LRP1B: variants seen among roughly 807,000 people sequenced by gnomAD.
LRP1B encodes LDL receptor related protein 1B, also known as low-density lipoprotein receptor-related protein 1B.
LRP1B carries 217 observed loss-of-function variants against 556.6 expected under a neutral mutation model. The observed-to-expected ratio is 0.39, with a 90% CI of 0.35 to 0.44. LRP1B has a LOEUF of 0.44. Among genes scored for constraint, LRP1B ranks in the 20% least tolerant of loss-of-function variants. The probability of loss-of-function intolerance (pLI) is 1.00; values close to 1 mark genes in which losing one functional copy is unlikely to be tolerated. For missense variants in LRP1B, 5,053 were observed against 5,620.8 expected (o/e 0.90, Z 3.23); for synonymous variants, 2,047 against 1,865.8 (o/e 1.10, Z -2.50).
At chr2:141,221,288 TAAAAAA>T (rs3063857) in intron 6 of LRP1B, among the ~76,000 whole-genome samples, 12 of 131,180 alleles carry the variant, frequency 9.1e-5, no homozygotes, top group African/African-American at 1.8e-4. Flanking sequence ...CCAACAAAGA[TAAAAAA>T]AAAAAAAAAA....
chr2:141,698,649 TC>T (rs1691824193), intron 2 of LRP1B, among the ~76,000 whole-genome samples: 1 of 151,816 alleles, frequency 6.6e-6, no homozygotes, highest in Non-Finnish European at 1.5e-5. Flanking sequence ...CTTGAATTTC[TC>T]TGATTATCTG....
intron 55 of LRP1B, among the ~76,000 whole-genome samples, chr2:140,498,725 G>A (rs1689053140): frequency 6.6e-6 from 1 of 151,656 alleles, no homozygotes; most frequent in East Asian, 1.9e-4. Flanking sequence ...TGTACATAAA[G>A]CTTTTTACTC....
At chr2:140,265,392 C>T (rs1007209756) in intron 86 of LRP1B, among the ~76,000 whole-genome samples, 26 of 152,138 alleles carry the variant, frequency 1.7e-4, no homozygotes, top group East Asian at 1.2e-3. Context: ...TTTTCCTAGG[C>T]TTCTGTTGGC....
At chr2:141,349,104 C>G (rs1398610716) in intron 3 of LRP1B, among the ~76,000 whole-genome samples, 1 of 152,024 alleles carries the variant, frequency 6.6e-6, no homozygotes, top group Non-Finnish European at 1.5e-5. Flanking sequence ...ACTAATACAT[C>G]TATTGTAAGT....
intron 35 of LRP1B, among the ~76,000 whole-genome samples, chr2:140,761,458 A>G (rs983260219): frequency 6.6e-6 from 1 of 152,212 alleles, no homozygotes; most frequent in African/African-American, 2.4e-5. Context: ...TCTAATAAAT[A>G]GAATATACCA....
At chr2:140,549,861 G>T (rs1278127463) in intron 43 of LRP1B, among the ~76,000 whole-genome samples, 5 of 148,178 alleles carry the variant, frequency 3.4e-5, no homozygotes, top group Non-Finnish European at 6.0e-5. Flanking sequence ...AGTTGTTGTT[G>T]TTTTTTTTTT....
intron 63 of LRP1B, among the ~76,000 whole-genome samples, chr2:140,446,760 G>T (rs183742197): frequency 6.6e-6 from 1 of 152,106 alleles, no homozygotes; most frequent in East Asian, 1.9e-4. Context: ...CATGACATTA[G>T]TGTGGGTAAA....
At position 141,402,419 on chromosome 2, in the gene LRP1B, G is replaced by T. The variant is rs185207906; in HGVS notation, c.343+77977C>A. On this transcript the variant is annotated intron_variant, in intron 3 of 90. Transcript: ENST00000389484. ...ATTTGGACCAAAATATTTCTCAAGA[G>T]TGGAAATAATTAAATATAACATGGA... is the stretch of plus-strand genomic sequence containing the variant. Among the ~76,000 whole-genome samples, 6 of 151,996 alleles carry T rather than the reference G, an allele frequency of 3.9e-5. No homozygotes were observed. In the South Asian group the frequency reaches 1.0e-3, roughly 26 times the overall value.
At chr2:140,966,880 T>G (rs182166585) in intron 18 of LRP1B, among the ~76,000 whole-genome samples, 25 of 152,206 alleles carry the variant, frequency 1.6e-4, no homozygotes, top group Middle Eastern at 3.4e-3. Context: ...TCTGAGGGCT[T>G]TGTTCTGTTC....
chr2:140,833,907 T>C (rs1321088583), intron 31 of LRP1B, among the ~76,000 whole-genome samples: 1 of 152,210 alleles, frequency 6.6e-6, no homozygotes. Context: ...GCACAGTTTA[T>C]TGTCTACACT....
intron 18 of LRP1B, among the ~76,000 whole-genome samples, chr2:140,977,419 A>C (rs550862586): frequency 6.6e-6 from 1 of 152,294 alleles, no homozygotes; most frequent in African/African-American, 2.4e-5. Context: ...GCAGCGTGAA[A>C]ATGGACTAAT....
At chr2:140,746,765 T>C (rs910310249) in intron 35 of LRP1B, among the ~76,000 whole-genome samples, 1 of 152,072 alleles carries the variant, frequency 6.6e-6, no homozygotes, top group Non-Finnish European at 1.5e-5. Flanking sequence ...TGCCAGCAGC[T>C]GGCAAAATGA....
At chr2:141,591,152 G>A (rs1687319803) in intron 2 of LRP1B, among the ~76,000 whole-genome samples, 1 of 152,122 alleles carries the variant, frequency 6.6e-6, no homozygotes, top group African/African-American at 2.4e-5. Context: ...TACGTCTGTA[G>A]TATCTCCTGA....
chr2:141,014,912 C>A (rs1425960299), intron 13 of LRP1B, among the ~76,000 whole-genome samples: 1 of 152,054 alleles, frequency 6.6e-6, no homozygotes, highest in Non-Finnish European at 1.5e-5. Flanking sequence ...TGTAGTATTT[C>A]TTTCTAAAAC....
chr2:141,256,086 C>T (rs1377807728), intron 3 of LRP1B, among the ~76,000 whole-genome samples: 1 of 151,788 alleles, frequency 6.6e-6, no homozygotes, highest in African/African-American at 2.4e-5. Context: ...GTTTATAAAT[C>T]ATAGTAGCAA....
chr2:142,081,322 G>A (rs945891967), intron 1 of LRP1B, among the ~76,000 whole-genome samples: 1 of 151,928 alleles, frequency 6.6e-6, no homozygotes. Flanking sequence ...AGAAATGAGG[G>A]AGTTTTTTTT....
chr2:140,473,743 G>A (rs1366056046), intron 60 of LRP1B, among the ~76,000 whole-genome samples: 2 of 151,760 alleles, frequency 1.3e-5, no homozygotes, highest in African/African-American at 4.8e-5. Flanking sequence ...TTAGTAGAAA[G>A]TAATACATAT....
chr2:140,253,054 T>C (rs1297307157), intron 86 of LRP1B, among the ~76,000 whole-genome samples: 4 of 152,120 alleles, frequency 2.6e-5, no homozygotes, highest in African/African-American at 9.6e-5. Flanking sequence ...TCTATGAGAA[T>C]AGCTAGGTGT....
chr2:142,086,650 A>C (rs954858289), intron 1 of LRP1B, among the ~76,000 whole-genome samples: 18 of 148,406 alleles, frequency 1.2e-4, no homozygotes, highest in South Asian at 6.6e-4. Context: ...CAAAAAAAAA[A>C]CACAACTTGT....
Sources: gnomAD v4.1 joint callset for allele counts (sites outside exome capture counted in the v4.1 genomes callset) on GRCh38, gnomAD v4.1.1 for gene constraint, MANE v1.5 for transcripts, NCBI Gene and HGNC (gene_info 2026-07-23, HGNC 2026-07-21) for gene names.